The following OPRM1 variants were observed in gnomAD, a reference collection of about 807,000 sequenced individuals.
OPRM1 encodes opioid receptor mu 1, also known as mu-type opioid receptor.
A neutral mutation model predicts 31.8 loss-of-function variants in OPRM1; 27 were observed. The ratio of observed to expected loss-of-function variants is 0.85; its 90% confidence interval spans 0.63 to 1.17. OPRM1 has a LOEUF of 1.17. OPRM1 is among the 50% of genes most tolerant of loss of function. OPRM1 has a pLI of 0.00. For synonymous variants in OPRM1, 196 were observed against 189.9 expected (o/e 1.03, Z -0.26); for missense variants, 536 against 511.1 (o/e 1.05, Z -0.47).
At chr6:154,158,690 T>TA (rs879932096) in intron 3 of OPRM1, 5 of 152,180 alleles carry the variant, frequency 3.3e-5, no homozygotes, top group Non-Finnish European at 5.9e-5. Context: ...AGTGAATCAA[T>TA]AGTATTTCTA....
chr6:154,101,468 C>T (rs899360869), intron 3 of OPRM1, among the ~76,000 whole-genome samples: 11 of 152,160 alleles, frequency 7.2e-5, no homozygotes, highest in Non-Finnish European at 1.5e-4. Flanking sequence ...GTGTGACTTG[C>T]ATATACTATA....
chr6:154,200,556 A>G (rs909468501), intron 3 of OPRM1, among the ~76,000 whole-genome samples: 9 of 152,036 alleles, frequency 5.9e-5, no homozygotes, highest in Non-Finnish European at 1.3e-4. Flanking sequence ...CCCCATCTCT[A>G]CTAAAAATAC....
intron 1 of OPRM1, chr6:154,087,653 A>G (rs1417191190): frequency 2.2e-6 from 2 of 928,290 alleles, no homozygotes; most frequent in Non-Finnish European, 2.6e-6. Context: ...TCTGGTTGGA[A>G]CATGAGAGCA....
At chr6:154,088,170 T>C (rs796423048) in intron 1 of OPRM1, among the ~76,000 whole-genome samples, 4 of 151,528 alleles carry the variant, frequency 2.6e-5, no homozygotes, top group African/African-American at 9.7e-5. Flanking sequence ...ACCACATAGA[T>C]GAATCTCAAA....
chr6:154,193,410 T>G (rs1049434621), intron 3 of OPRM1, among the ~76,000 whole-genome samples: 4 of 152,142 alleles, frequency 2.6e-5, no homozygotes, highest in Non-Finnish European at 2.9e-5. Flanking sequence ...TTGGGTACAG[T>G]ATATGCTGCT....
intron 3 of OPRM1, among the ~76,000 whole-genome samples, chr6:154,098,813 A>G (rs1319700299): frequency 6.6e-6 from 1 of 152,234 alleles, no homozygotes; most frequent in African/African-American, 2.4e-5. Context: ...TGGGGTGTAG[A>G]ACAAAATTTG....
At chr6:154,178,385 A>G (rs1800539669) in intron 3 of OPRM1, among the ~76,000 whole-genome samples, 1 of 152,234 alleles carries the variant, frequency 6.6e-6, no homozygotes, top group Non-Finnish European at 1.5e-5. Flanking sequence ...AACATGGCAT[A>G]TAATATATTC....
intron 3 of OPRM1, among the ~76,000 whole-genome samples, chr6:154,097,688 G>A (rs549986735): frequency 6.6e-6 from 1 of 152,052 alleles, no homozygotes; most frequent in African/African-American, 2.4e-5. Flanking sequence ...TTCATGCATA[G>A]CAGAAGAAAT....
chr6:154,091,347 C>G lies in OPRM1; in HGVS notation c.1039C>G (p.Arg347Gly), dbSNP rs200512398. 6.2e-7 allele frequency: 1 copy of G among 1,614,038 alleles called. No individual in the cohort carries two copies. Among genetic ancestry groups the G allele is most frequent in the African/African-American group, 1.3e-5 (1 of 74,906 alleles). The change falls in exon 3 of 4, where the codon CGA becomes GGA. Residue 347 changes from arginine to glycine, a missense_variant. Coordinates refer to ENST00000330432, the MANE Select transcript of OPRM1 (RefSeq NM_000914.5). ...LYAFLDENFK[R>G]CFREFCIPTS... ...TGCATTTCTGGATGAAAACTTCAAA[C>G]GATGCTTCAGAGAGTTCTGTATCCC... is the stretch of plus-strand genomic sequence containing the variant.
In OPRM1 at chr6:154,039,278, G is replaced by T; in HGVS notation, c.-267G>T. ...AGCCTCCGAATCCCGCATGGCCCAC[G>T]CTCCCCTCCTGCAGCGGTGCGGGGC... is the stretch of plus-strand genomic sequence containing the variant. On this transcript the variant is annotated 5_prime_UTR_variant, in exon 1 of 4. Coordinates refer to ENST00000330432, the MANE Select transcript of OPRM1 (RefSeq NM_000914.5). The T allele has an allele frequency of 6.4e-7, 1 of 1,551,350 alleles. No individual in the cohort carries two copies. The highest frequency in any genetic ancestry group is 2.4e-5 in the East Asian group (1 of 40,906).
chr6:154,029,188 T>G (rs894279989), intron 1 of OPRM1, among the ~76,000 whole-genome samples: 8 of 152,234 alleles, frequency 5.3e-5, no homozygotes, highest in African/African-American at 1.9e-4. Context: ...TAAACTCTGA[T>G]CTGCCTTTAA....
At chr6:154,154,304 A>G (rs1367853667) in intron 3 of OPRM1, among the ~76,000 whole-genome samples, 1 of 152,244 alleles carries the variant, frequency 6.6e-6, no homozygotes, top group Non-Finnish European at 1.5e-5. Flanking sequence ...ACATTTTGTA[A>G]CTTTTATAAT....
At chr6:154,211,605 T>TG (rs1777971178) in intron 3 of OPRM1, among the ~76,000 whole-genome samples, 1 of 151,668 alleles carries the variant, frequency 6.6e-6, no homozygotes, top group Non-Finnish European at 1.5e-5. Context: ...TTGAAACCAG[T>TG]GGGAAAAAAA....
chr6:154,047,352 A>C lies in OPRM1; in HGVS notation c.290+7518A>C, dbSNP rs147149307. 3.7e-3 allele frequency among the ~76,000 whole-genome samples: 570 copies of C among 152,300 alleles called. 4 individuals are homozygous for C. Among genetic ancestry groups the C allele is most frequent in the African/African-American group, 0.013 (530 of 41,568 alleles). On this transcript the variant is annotated intron_variant, in intron 1 of 3. Coordinates refer to ENST00000330432, the MANE Select transcript of OPRM1 (RefSeq NM_000914.5). ...TGGGGAAAGACAAGGAATGAAAAAC[A>C]GTGAGTCAGAGTATGTGCTGCCTCC...
Position 154,128,000 on chromosome 6 carries a change from C to T in OPRM1, c.*9279C>T, listed in dbSNP as rs1303808643. Reference sequence around the variant, plus strand: ...TATTTCTCAAGGGACCAGAGAAAACCAATAGGCCTACTCCCCAGCTGAGTA... The same window carrying T: ...TATTTCTCAAGGGACCAGAGAAAACTAATAGGCCTACTCCCCAGCTGAGTA... On this transcript the variant is annotated 3_prime_UTR_variant, in exon 4 of 4. Transcript: ENST00000330432. 6.6e-6 allele frequency among the ~76,000 whole-genome samples: 1 copy of T among 152,152 alleles called. No homozygotes were observed. Among genetic ancestry groups the T allele is most frequent in the Non-Finnish European group, 1.5e-5 (1 of 68,018 alleles).
At chr6:154,172,655 G>C (rs1480964941) in intron 3 of OPRM1, among the ~76,000 whole-genome samples, 1 of 152,230 alleles carries the variant, frequency 6.6e-6, no homozygotes, top group Non-Finnish European at 1.5e-5. Context: ...AAGCAGCAGG[G>C]AAGCTCGAAC....
At chr6:154,011,607 G>A (rs1777732942) in intron 1 of OPRM1, among the ~76,000 whole-genome samples, 1 of 152,100 alleles carries the variant, frequency 6.6e-6, no homozygotes, top group East Asian at 1.9e-4. Context: ...TCAATTACAT[G>A]AATGTTCAAG....
chr6:154,194,145 A>T (rs919450704), intron 3 of OPRM1, among the ~76,000 whole-genome samples: 10 of 152,240 alleles, frequency 6.6e-5, no homozygotes, highest in African/African-American at 2.2e-4. Context: ...CATGCCTGTA[A>T]TCCCAGCAAT....
At chr6:154,141,145 T>C (rs1260155437) in intron 3 of OPRM1, among the ~76,000 whole-genome samples, 1 of 152,222 alleles carries the variant, frequency 6.6e-6, no homozygotes. Context: ...GGTTTAGTTT[T>C]CTCATTCATC....
Sources: gnomAD v4.1 joint callset for allele counts (sites outside exome capture counted in the v4.1 genomes callset) on GRCh38, gnomAD v4.1.1 for gene constraint, MANE v1.5 for transcripts, NCBI Gene and HGNC (gene_info 2026-07-23, HGNC 2026-07-21) for gene names.